Variants in DAB1 observed in about 807,000 individuals in gnomAD.
DAB1 encodes disabled homolog 1.
In DAB1, 15 loss-of-function variants were observed where a neutral mutation model predicts 64.6. The ratio of observed to expected loss-of-function variants is 0.23; its 90% CI spans 0.16 to 0.36. DAB1 has a LOEUF of 0.36. DAB1 is among the 10% of genes least tolerant of loss of function. The pLI, the probability that DAB1 is intolerant of heterozygous loss-of-function variation, is 1.00. For missense variants in DAB1, 596 were observed against 706.7 expected, an observed-to-expected ratio of 0.84 and a Z score of 1.78; for synonymous variants, 235 against 251.9, an observed-to-expected ratio of 0.93 and a Z score of 0.64.
At chr1:58,356,254 G>A (rs1432191795) in intron 3 of DAB1, among the ~76,000 whole-genome samples, 1 of 152,142 alleles carries the variant, frequency 6.6e-6, no homozygotes, top group African/African-American at 2.4e-5. Context: ...CAACCTGTAT[G>A]TAAAATGGCA....
At chr1:57,467,683 G>A (rs1284404705) in intron 7 of DAB1, among the ~76,000 whole-genome samples, 1 of 152,048 alleles carries the variant, frequency 6.6e-6, no homozygotes, top group East Asian at 1.9e-4. Context: ...AGTGCTAGAT[G>A]GTATATGAAT....
At chr1:58,267,442 C>G (rs1661197308) in intron 4 of DAB1, among the ~76,000 whole-genome samples, 1 of 152,096 alleles carries the variant, frequency 6.6e-6, no homozygotes, top group Non-Finnish European at 1.5e-5. Flanking sequence ...CTACAGGCAC[C>G]TCCAGTTTAT....
rs544886794 is a variant in DAB1, at chr1:57,732,130, TG to T, written n.552-82466del. ...AACAAGCCAATCTTGGGAAGAACAG[TG>T]GTGGTGGAGTCAGCTGATCTGGTTG... On this transcript the variant is annotated intron_variant and non_coding_transcript_variant, in intron 6 of 20. Transcript: ENST00000485760. Among the ~76,000 whole-genome samples, 16 of 152,198 alleles carry T rather than the reference TG, an allele frequency of 1.1e-4. No homozygotes were observed. The East Asian group carries it at 3.1e-3, about 29-fold the overall frequency.
intron 1 of DAB1, among the ~76,000 whole-genome samples, chr1:57,301,877 G>A (rs377137959): frequency 1.5e-4 from 23 of 152,210 alleles, no homozygotes; most frequent in African/African-American, 5.3e-4. Context: ...AGCCTTGCCC[G>A]CTGGACCCAC....
intron 6 of DAB1, among the ~76,000 whole-genome samples, chr1:57,794,398 C>T (rs1216635344): frequency 6.6e-6 from 1 of 152,198 alleles, no homozygotes; most frequent in Admixed American, 6.5e-5. Context: ...TTCTGTATTG[C>T]TTCTTGTTTT....
At chr1:58,129,295 G>T (rs1028653604) in intron 5 of DAB1, among the ~76,000 whole-genome samples, 1 of 151,160 alleles carries the variant, frequency 6.6e-6, no homozygotes, top group Non-Finnish European at 1.5e-5. Flanking sequence ...TGTGGGATCG[G>T]TGGTGATATC....
At chr1:57,768,740 C>T (rs2101827591) in intron 6 of DAB1, among the ~76,000 whole-genome samples, 1 of 151,878 alleles carries the variant, frequency 6.6e-6, no homozygotes, top group East Asian at 1.9e-4. Flanking sequence ...CTTCTTGTGC[C>T]CCACACAAGC....
intron 1 of DAB1, among the ~76,000 whole-genome samples, chr1:57,840,268 C>T (rs1464131129): frequency 6.6e-6 from 1 of 152,030 alleles, no homozygotes; most frequent in African/African-American, 2.4e-5. Flanking sequence ...CAGTGTAAGG[C>T]TTCCTAGCAG....
chr1:57,153,943 T>A (rs1458570250), intron 2 of DAB1, among the ~76,000 whole-genome samples: 1 of 152,172 alleles, frequency 6.6e-6, no homozygotes, highest in Admixed American at 6.5e-5. Context: ...CTGGCCGGTG[T>A]ATGTATTTAT....
At chr1:58,415,822 T>C (rs1644714311) in intron 3 of DAB1, among the ~76,000 whole-genome samples, 1 of 152,200 alleles carries the variant, frequency 6.6e-6, no homozygotes, top group African/African-American at 2.4e-5. Context: ...AGCCAGACTG[T>C]CTGGGTTCTA....
intron 1 of DAB1, among the ~76,000 whole-genome samples, chr1:57,313,101 C>G (rs1674872492): frequency 6.6e-6 from 1 of 152,096 alleles, no homozygotes. Context: ...GGATGCAGTG[C>G]CCCAGTTTTT....
chr1:57,839,579 C>T (rs1168979608), intron 1 of DAB1, among the ~76,000 whole-genome samples: 1 of 152,132 alleles, frequency 6.6e-6, no homozygotes, highest in Non-Finnish European at 1.5e-5. Context: ...TAATCCTTTG[C>T]AGGTCCTTAA....
chr1:58,460,911 G>GC (rs1190247166), intron 3 of DAB1, among the ~76,000 whole-genome samples: 1 of 152,178 alleles, frequency 6.6e-6, no homozygotes, highest in Non-Finnish European at 1.5e-5. Flanking sequence ...GTGCAGAGGA[G>GC]CCACCCATGA....
chr1:57,668,592 C>T (rs1423963913), intron 6 of DAB1, among the ~76,000 whole-genome samples: 3 of 152,098 alleles, frequency 2.0e-5, no homozygotes, highest in African/African-American at 7.2e-5. Flanking sequence ...AAGCATTCCC[C>T]AACCAAAGGA....
chr1:57,681,920 C>T lies in DAB1; in HGVS notation n.552-32255G>A, dbSNP rs141843909. 4.0e-4 allele frequency among the ~76,000 whole-genome samples: 61 copies of T among 152,214 alleles called. No individual in the cohort carries two copies. The East Asian group carries it at 8.7e-3, about 22-fold the overall frequency. ...AAAGCCAGCACTAAGAAGCCAGCTG[C>T]CAGGCATCTGCCCCAGTAAAGTCCC... On this transcript the variant is annotated intron_variant and non_coding_transcript_variant, in intron 6 of 20. Transcript: ENST00000485760.
chr1:57,844,265 A>G (rs947499911), intron 1 of DAB1, among the ~76,000 whole-genome samples: 4 of 152,216 alleles, frequency 2.6e-5, no homozygotes, highest in African/African-American at 9.6e-5. Context: ...TTAGTATATT[A>G]TGATGGGTTG....
chr1:58,228,978 AC>A (rs1191637943), intron 4 of DAB1: 1 of 441,958 alleles, frequency 2.3e-6, no homozygotes, highest in Non-Finnish European at 4.4e-6. Flanking sequence ...CACATGCTCC[AC>A]CAGCCCGAAG....
At chr1:57,888,591 G>A (rs575655436), upstream of DAB1, among the ~76,000 whole-genome samples, 35 of 152,264 alleles carry the variant, frequency 2.3e-4, no homozygotes, top group African/African-American at 8.4e-4. Flanking sequence ...TGGTGAGGGC[G>A]ATTAAGAATT....
chr1:57,806,212 T>C (rs1010959870), intron 6 of DAB1, among the ~76,000 whole-genome samples: 1 of 152,200 alleles, frequency 6.6e-6, no homozygotes, highest in Non-Finnish European at 1.5e-5. Context: ...TGATCTATTC[T>C]TGCTTTGGGG....
Sources: gnomAD v4.1 joint callset for allele counts (sites outside exome capture counted in the v4.1 genomes callset) on GRCh38, gnomAD v4.1.1 for gene constraint, MANE v1.5 for transcripts, NCBI Gene and HGNC (gene_info 2026-07-23, HGNC 2026-07-21) for gene names.